The following IMMP2L variants were observed in gnomAD, a reference collection of about 807,000 sequenced individuals.
The protein encoded by IMMP2L is inner mitochondrial membrane peptidase subunit 2.
In IMMP2L, 18 loss-of-function variants were observed where a neutral mutation model predicts 19.3. The observed-to-expected ratio is 0.93, with a 90% CI of 0.64 to 1.38. IMMP2L has a LOEUF of 1.38. Among genes scored for constraint, IMMP2L ranks in the 40% most tolerant of loss-of-function variants. IMMP2L has a pLI of 0.00. For missense variants in IMMP2L, 233 were observed against 218.2 expected (o/e 1.07, Z -0.43); for synonymous variants, 76 against 73.0 (o/e 1.04, Z -0.21).
rs1801370122 is a variant in IMMP2L at position 110,803,056 on chromosome 7, C to G, written c.408+83537G>C. Among the ~76,000 whole-genome samples, 1 of 152,072 alleles carries G rather than the reference C, an allele frequency of 6.6e-6. No homozygotes were observed. Among genetic ancestry groups the G allele is most frequent in the African/African-American group, 2.4e-5 (1 of 41,418 alleles). On this transcript the variant is annotated intron_variant, in intron 5 of 5. Coordinates refer to ENST00000405709, the MANE Select transcript of IMMP2L (RefSeq NM_032549.4). The surrounding 1 kb of genome is among the most constrained non-coding windows in gnomAD (Gnocchi z 4.2). ...ATTACTAGAAGTCTGTCCAGATCAG[C>G]TCCATAGTGGTTTTATGGAGAATGC...
chr7:111,098,244 G>T (rs28711744), intron 3 of IMMP2L, among the ~76,000 whole-genome samples: 4,472 of 151,710 alleles, frequency 0.029, 221 homozygotes, highest in African/African-American at 0.1. Context: ...TCCTCTTATT[G>T]TCATTTATTA....
chr7:111,028,841 G>T (rs1224770958), intron 3 of IMMP2L, among the ~76,000 whole-genome samples: 1 of 152,096 alleles, frequency 6.6e-6, no homozygotes, highest in African/African-American at 2.4e-5. Flanking sequence ...GATTGGATTT[G>T]ACATAAGGAA....
At position 110,677,738 on chromosome 7, in the gene IMMP2L, A is replaced by T. The variant is rs575089026; in HGVS notation, c.409-14017T>A. On this transcript the variant is annotated intron_variant, in intron 5 of 5. Coordinates refer to ENST00000405709, the MANE Select transcript of IMMP2L (RefSeq NM_032549.4). ...TAAGCTTTGGTGAGGCAAAAAGGATAAAAGAAAAAAAAAATAGATAGAAAG... is the reference window on the plus strand; with the variant it reads ...TAAGCTTTGGTGAGGCAAAAAGGATTAAAGAAAAAAAAAATAGATAGAAAG... Among the ~76,000 whole-genome samples, 401 of 148,982 alleles carry T rather than the reference A, an allele frequency of 2.7e-3. 1 individual carries two copies. Among genetic ancestry groups the T allele is most frequent in the Non-Finnish European group, 4.0e-3 (264 of 66,504 alleles).
chr7:111,442,462 C>T (rs1163233350), intron 3 of IMMP2L, among the ~76,000 whole-genome samples: 1 of 151,740 alleles, frequency 6.6e-6, no homozygotes, highest in African/African-American at 2.4e-5. Flanking sequence ...CTGGATTTTA[C>T]CCCTTTCATG....
chr7:111,433,690 G>A (rs1224152057), intron 3 of IMMP2L, among the ~76,000 whole-genome samples: 2 of 151,554 alleles, frequency 1.3e-5, no homozygotes, highest in Non-Finnish European at 2.9e-5. Flanking sequence ...CCCTTGAAAC[G>A]TGAGGATATT....
At position 110,852,244 on chromosome 7, in the gene IMMP2L, G is replaced by GGA. The variant is rs71151811; in HGVS notation, c.408+34348_408+34349insTC. Among the ~76,000 whole-genome samples the GGA allele has an allele frequency of 6.4e-4, 95 of 148,794 alleles. 1 individual carries two copies. The East Asian group carries it at 0.014, about 22-fold the overall frequency. ...TGGATGGATGGATGGATGGATGGAT[G>GGA]TATACACATATATAGCCATAAACAT... is the stretch of plus-strand genomic sequence containing the variant. On this transcript the variant is annotated intron_variant, in intron 5 of 5. Coordinates refer to ENST00000405709, the MANE Select transcript of IMMP2L (RefSeq NM_032549.4).
intron 5 of IMMP2L, among the ~76,000 whole-genome samples, chr7:110,837,960 A>G (rs979935275): frequency 6.6e-6 from 1 of 152,094 alleles, no homozygotes; most frequent in Non-Finnish European, 1.5e-5. Flanking sequence ...ATGTAAGAAC[A>G]TATTGTTTTC....
At chr7:111,250,836 T>C (rs1056738124) in intron 3 of IMMP2L, among the ~76,000 whole-genome samples, 2 of 152,102 alleles carry the variant, frequency 1.3e-5, no homozygotes, top group African/African-American at 2.4e-5. Context: ...ATTCAGGACA[T>C]AGGCAAAGGC....
At position 110,763,448 on chromosome 7, in the gene IMMP2L, T is replaced by C. The variant is rs78505746; in HGVS notation, c.409-99727A>G. On this transcript the variant is annotated intron_variant, in intron 5 of 5. Coordinates refer to ENST00000405709, the MANE Select transcript of IMMP2L (RefSeq NM_032549.4). ...GCAGTGTACTAGGGTCCAGGTTCAT[T>C]AGTTTTTAATAGGATAAATCTTTGT... Among the ~76,000 whole-genome samples the C allele has an allele frequency of 2.4e-3, 364 of 152,236 alleles. 9 individuals carry two copies. In the East Asian group the frequency reaches 0.024, roughly 10 times the overall value.
chr7:111,146,670 C>T (rs950643969), intron 3 of IMMP2L, among the ~76,000 whole-genome samples: 2 of 151,676 alleles, frequency 1.3e-5, no homozygotes, highest in African/African-American at 4.8e-5. Flanking sequence ...CTCTATGCCC[C>T]GGGTCAACAC....
intron 5 of IMMP2L, among the ~76,000 whole-genome samples, chr7:110,832,851 T>G (rs1804091083): frequency 6.6e-6 from 1 of 152,000 alleles, no homozygotes; most frequent in African/African-American, 2.4e-5. Context: ...GACACAGAAG[T>G]CGTGATGAGT....
At chr7:111,090,345 C>T (rs915377993) in intron 3 of IMMP2L, among the ~76,000 whole-genome samples, 1 of 151,942 alleles carries the variant, frequency 6.6e-6, no homozygotes, top group African/African-American at 2.4e-5. Context: ...TAACTTATTA[C>T]AATCGAAATA....
intron 3 of IMMP2L, among the ~76,000 whole-genome samples, chr7:111,219,526 A>G (rs12154639): frequency 0.095 from 14,388 of 152,134 alleles, 981 homozygotes; most frequent in Non-Finnish European, 0.15. Context: ...CTCTAATGAT[A>G]TCATAAAATT....
chr7:110,975,846 A>G (rs995562366), intron 3 of IMMP2L, among the ~76,000 whole-genome samples: 10 of 152,280 alleles, frequency 6.6e-5, no homozygotes, highest in African/African-American at 2.2e-4. Flanking sequence ...AAGTATGTAA[A>G]CTAACAGTAT....
At chr7:110,869,154 C>A (rs570350240) in intron 5 of IMMP2L, among the ~76,000 whole-genome samples, 105 of 152,004 alleles carry the variant, frequency 6.9e-4, no homozygotes, top group Non-Finnish European at 1.3e-3. Flanking sequence ...CAGGTAGAAT[C>A]AATTTCAGGT....
intron 3 of IMMP2L, among the ~76,000 whole-genome samples, chr7:111,050,778 C>T (rs931474041): frequency 1.3e-5 from 2 of 152,140 alleles, no homozygotes; most frequent in Non-Finnish European, 2.9e-5. Context: ...TCAAAAGTTA[C>T]GTATTTATTT....
intron 5 of IMMP2L, among the ~76,000 whole-genome samples, chr7:110,785,369 G>C (rs181373727): frequency 2.0e-5 from 3 of 151,992 alleles, no homozygotes; most frequent in African/African-American, 7.2e-5. Flanking sequence ...TTCCACATCA[G>C]TGTGGCTGGA....
At chr7:110,701,616 G>A (rs1794294080) in intron 5 of IMMP2L, among the ~76,000 whole-genome samples, 1 of 152,008 alleles carries the variant, frequency 6.6e-6, no homozygotes, top group South Asian at 2.1e-4. Context: ...GTAGAGACAG[G>A]GTTTCGCCAT....
chr7:111,231,474 G>A (rs924622456), intron 3 of IMMP2L, among the ~76,000 whole-genome samples: 7 of 151,920 alleles, frequency 4.6e-5, no homozygotes, highest in Admixed American at 1.3e-4. Context: ...ATCACGCACC[G>A]GATCTCAGCT....
Sources: allele counts gnomAD v4.1 joint callset (sites outside exome capture counted in the v4.1 genomes callset), GRCh38; gene constraint gnomAD v4.1.1; non-coding constraint Gnocchi (gnomAD v3.1); transcripts MANE v1.5; gene names NCBI Gene and HGNC (gene_info 2026-07-23, HGNC 2026-07-21).